The following IKZF3 variants were observed in gnomAD, a reference collection of about 807,000 sequenced individuals.
IKZF3 encodes the protein IKAROS family zinc finger 3, also known as zinc finger protein Aiolos.
Under a neutral mutation model 49.0 loss-of-function variants are expected in IKZF3, and 10 were observed. The observed-to-expected ratio is 0.20, with a 90% confidence interval of 0.13 to 0.35. The LOEUF is 0.35. IKZF3 is among the 10% of genes least tolerant of loss of function. The pLI is 1.00. For synonymous variants in IKZF3, 209 were observed against 228.2 expected, an observed-to-expected ratio of 0.92 and a Z score of 0.76; for missense variants, 498 against 664.8, an observed-to-expected ratio of 0.75 and a Z score of 2.76.
Position 39,791,380 on chromosome 17 carries a change from C to T in IKZF3, c.592+36G>A, listed in dbSNP as rs545666006. On this transcript the variant is annotated intron_variant, in intron 5 of 7. Transcript: ENST00000346872. ...TCCACACTGGGCTCTGAGGAATGCA[C>T]TTCCTAGACAAGGAATGCTCATTTC... 87 of 1,607,246 alleles carry T rather than the reference C, an allele frequency of 5.4e-5. 1 individual carries two copies. The South Asian group carries it at 7.8e-4, about 14-fold the overall frequency.
At chr17:39,808,246 T>C (rs2061477113) in intron 3 of IKZF3, among the ~76,000 whole-genome samples, 1 of 152,210 alleles carries the variant, frequency 6.6e-6, no homozygotes, top group African/African-American at 2.4e-5. Context: ...CTTTTGTTCC[T>C]GTACAACTGA....
At chr17:39,795,696 C>T (rs2061144836) in intron 3 of IKZF3, among the ~76,000 whole-genome samples, 1 of 151,682 alleles carries the variant, frequency 6.6e-6, no homozygotes, top group African/African-American at 2.4e-5. Flanking sequence ...CCTGAGCCAC[C>T]GTGTCCAACC....
At chr17:39,844,286 T>TG (rs998790768) in intron 1 of IKZF3, among the ~76,000 whole-genome samples, 1 of 152,210 alleles carries the variant, frequency 6.6e-6, no homozygotes, top group African/African-American at 2.4e-5. Context: ...GGGCAAATGA[T>TG]GGAAGAATCT....
intron 1 of IKZF3, among the ~76,000 whole-genome samples, chr17:39,839,685 C>G (rs899858852): frequency 6.6e-6 from 1 of 151,950 alleles, no homozygotes; most frequent in Admixed American, 6.6e-5. Flanking sequence ...AGCAATCCTC[C>G]CACTTCTGCC....
chr17:39,794,434 C>T (rs1352101173), intron 3 of IKZF3, among the ~76,000 whole-genome samples: 1 of 152,230 alleles, frequency 6.6e-6, no homozygotes, highest in African/African-American at 2.4e-5. Context: ...AGTACAACTG[C>T]AGCTGTGCCT....
chr17:39,797,998 A>G (rs1598039808), intron 3 of IKZF3, among the ~76,000 whole-genome samples: 1 of 151,948 alleles, frequency 6.6e-6, no homozygotes, highest in East Asian at 1.9e-4. Flanking sequence ...CTTCCCAGTT[A>G]CTCAGGCTAG....
chr17:39,826,780 C>T (rs2061967847), intron 3 of IKZF3, among the ~76,000 whole-genome samples: 1 of 152,152 alleles, frequency 6.6e-6, no homozygotes. Flanking sequence ...ATGGGGGATG[C>T]TACAGCCACT....
chr17:39,827,210 T>C (rs1342454245), intron 3 of IKZF3, among the ~76,000 whole-genome samples: 1 of 152,028 alleles, frequency 6.6e-6, no homozygotes, highest in Non-Finnish European at 1.5e-5. Context: ...TTGGTCAGGC[T>C]GGTCTCGAAC....
At chr17:39,848,284 G>T (rs1055087595) in intron 1 of IKZF3, among the ~76,000 whole-genome samples, 4 of 152,168 alleles carry the variant, frequency 2.6e-5, no homozygotes, top group African/African-American at 9.7e-5. Context: ...CAGGTGAACT[G>T]CTGACAACTG....
chr17:39,778,239 A>T (rs1286511824), intron 6 of IKZF3: 1 of 929,260 alleles, frequency 1.1e-6, no homozygotes, highest in Non-Finnish European at 1.3e-6. Flanking sequence ...GTACACTCAC[A>T]CAGATAGCAA....
At chr17:39,856,246 C>T (rs1006386001) in intron 1 of IKZF3, among the ~76,000 whole-genome samples, 29 of 152,114 alleles carry the variant, frequency 1.9e-4, no homozygotes, top group Admixed American at 7.2e-4. Context: ...TTTACAGGCA[C>T]TTAATAAAGT....
chr17:39,780,364 T>C (rs2060710531), intron 6 of IKZF3, among the ~76,000 whole-genome samples: 1 of 152,090 alleles, frequency 6.6e-6, no homozygotes, highest in Admixed American at 6.5e-5. Flanking sequence ...ATTTAGTTAA[T>C]TTATTTACTT....
intron 3 of IKZF3, among the ~76,000 whole-genome samples, chr17:39,827,298 G>C (rs1412593721): frequency 2.1e-5 from 3 of 145,894 alleles, no homozygotes; most frequent in Non-Finnish European, 3.0e-5. Flanking sequence ...CGGCCGGCCT[G>C]TTGTTGTTCT....
Position 39,759,847 on chromosome 17 carries a change from A to G in IKZF3, c.*5943T>C, listed in dbSNP as rs911841754. On this transcript the variant is annotated 3_prime_UTR_variant, in exon 8 of 8. Transcript: ENST00000346872. ...TGTGTGAACACAAAAATAGCTTCCC[A>G]TTCTCTAAAAGATGAGGTATCACTA... The G allele has an allele frequency of 7.9e-5, 12 of 152,242 alleles. No homozygotes were observed. Among genetic ancestry groups the G allele is most frequent in the African/African-American group, 2.9e-4 (12 of 41,450 alleles). 9.4% of individuals were successfully genotyped at this position (152,242 alleles called of 1,614,324 possible).
intron 1 of IKZF3, 117 bp downstream of exon 1, chr17:39,864,002 CT>C: frequency 7.3e-7 from 1 of 1,371,008 alleles, no homozygotes; most frequent in East Asian, 2.3e-5. Context: ...CTCATATTTA[CT>C]TTTGACAAAA....
Position 39,864,260 on chromosome 17 carries a change from G to T in IKZF3, c.-134C>A. On this transcript the variant is annotated 5_prime_UTR_variant, in exon 1 of 8. Transcript: ENST00000346872. ...GGAGTCCCCGGGATCCGGCAGCCGC[G>T]TCGGCGCAGACTGAAAAGGGCAGGA... 1 of 1,036,538 alleles carries T rather than the reference G, an allele frequency of 9.6e-7. No individual in the cohort carries two copies. Among genetic ancestry groups the T allele is most frequent in the Non-Finnish European group, 1.4e-6 (1 of 714,698 alleles). The allele number at this position is 1,036,538 out of a possible 1,614,324, so 64.2% of individuals were successfully genotyped here. A position where few individuals can be genotyped will look rare whatever the true frequency, so the allele number is the denominator to read the frequency against.
At chr17:39,834,360 C>T (rs900513237) in intron 1 of IKZF3, among the ~76,000 whole-genome samples, 1 of 152,180 alleles carries the variant, frequency 6.6e-6, no homozygotes, top group African/African-American at 2.4e-5. Flanking sequence ...TGACTTTATT[C>T]CTTTCTTCTT....
intron 5 of IKZF3, among the ~76,000 whole-genome samples, chr17:39,791,195 T>G (rs185328550): frequency 3.9e-5 from 6 of 152,132 alleles, no homozygotes; most frequent in Admixed American, 3.9e-4. Context: ...TTGTTCTCCA[T>G]GGGTGCAAGG....
chr17:39,797,611 C>G (rs1305638636), intron 3 of IKZF3, among the ~76,000 whole-genome samples: 1 of 151,954 alleles, frequency 6.6e-6, no homozygotes, highest in Admixed American at 6.6e-5. Context: ...TTAGTAGAGA[C>G]AGGGTTTTAC....
Sources: allele counts gnomAD v4.1 joint callset (sites outside exome capture counted in the v4.1 genomes callset), GRCh38; gene constraint gnomAD v4.1.1; transcripts MANE v1.5; gene names NCBI Gene and HGNC (gene_info 2026-07-23, HGNC 2026-07-21).